INTS10: variants seen among roughly 807,000 people sequenced by gnomAD.
The protein encoded by INTS10 is integrator complex subunit 10, also known as chromosome 8 open reading frame 35.
A neutral mutation model predicts 94.4 loss-of-function variants in INTS10; 44 were observed. The observed-to-expected ratio is 0.47, with a 90% CI of 0.37 to 0.60. INTS10 has a LOEUF of 0.60. INTS10 is among the 20% of genes least tolerant of loss of function. The pLI is 0.00. For synonymous variants in INTS10, 341 were observed against 320.7 expected (o/e 1.06, Z -0.68); for missense variants, 797 against 868.7 (o/e 0.92, Z 1.04).
Position 19,823,289 on chromosome 8 carries a change from C to T in INTS10, c.524-12C>T. 1 of 1,595,608 alleles carries T rather than the reference C, an allele frequency of 6.3e-7. No individual in the cohort carries two copies. Among genetic ancestry groups the T allele is most frequent in the Non-Finnish European group, 8.6e-7 (1 of 1,167,260 alleles). On this transcript the variant is annotated splice_polypyrimidine_tract_variant and intron_variant, in intron 5 of 16. Coordinates refer to ENST00000397977, the MANE Select transcript of INTS10 (RefSeq NM_018142.4). Reference sequence around the variant, plus strand: ...CCTAATTAATTTATTTCTTCTTTTTCTCCTCCAACAGTTTGTGATGTCCTT... The same window carrying T: ...CCTAATTAATTTATTTCTTCTTTTTTTCCTCCAACAGTTTGTGATGTCCTT...
rs2069064399 is a variant in INTS10, at chr8:19,851,868, G to A, written c.*63G>A. 3 of 1,446,926 alleles carry A rather than the reference G, an allele frequency of 2.1e-6. No individual in the cohort carries two copies. The highest frequency in any genetic ancestry group is 2.9e-6 in the Non-Finnish European group (3 of 1,033,100). 89.6% of individuals were successfully genotyped at this position (1,446,926 alleles called of 1,614,324 possible). The stretch of plus-strand genomic sequence containing the variant: ...TAATTGTAGGAGAAGACACTCAGCA[G>A]TGATTGCCATGGCACAGAGCCGTGG... On this transcript the variant is annotated 3_prime_UTR_variant, in exon 17 of 17. Transcript: ENST00000397977. This position sits in a 1 kb window ranked among gnomAD's most constrained non-coding sequence, Gnocchi z 5.0.
rs748518574 is a variant in INTS10 at position 19,823,342 on chromosome 8, C to T, written c.565C>T (p.Arg189Ter). 4 of 1,605,016 alleles carry T rather than the reference C, an allele frequency of 2.5e-6. No individual in the cohort carries two copies. Among genetic ancestry groups the T allele is most frequent in the Non-Finnish European group, 3.4e-6 (4 of 1,171,860 alleles). Reference protein sequence around the residue: ...LPLIINNHDVRLPANLLYKYL... With the variant: ...LPLIINNHDV ...TCTAATAATTAACAACCATGATGTT[C>T]GATTACCTGCCAATTTATTGTATAA... Residue 189 changes from arginine (R) to a stop codon, truncating the protein, a stop_gained, in exon 6 of 17, where the codon CGA becomes TGA. Coordinates refer to ENST00000397977, the MANE Select transcript of INTS10 (RefSeq NM_018142.4). LOFTEE classifies it high-confidence loss of function.
intron 12 of INTS10, among the ~76,000 whole-genome samples, chr8:19,834,184 C>T (rs548133752): frequency 1.8e-4 from 27 of 152,102 alleles, no homozygotes; most frequent in African/African-American, 5.8e-4. Context: ...AAATGATAAC[C>T]GTGTTGTTGT....
At chr8:19,825,895 A>G (rs564133373) in intron 8 of INTS10, among the ~76,000 whole-genome samples, 1 of 152,186 alleles carries the variant, frequency 6.6e-6, no homozygotes, top group Non-Finnish European at 1.5e-5. Flanking sequence ...CTTGTATTCT[A>G]TTAGTGACAG....
In INTS10 at chr8:19,842,837, A is replaced by G; in HGVS notation, c.1640-11A>G. 2 of 1,590,116 alleles carry G rather than the reference A, an allele frequency of 1.3e-6. No individual in the cohort carries two copies. The highest frequency in any genetic ancestry group is 2.2e-5 in the South Asian group (2 of 90,276). On this transcript the variant is annotated splice_polypyrimidine_tract_variant and intron_variant, in intron 13 of 16. Coordinates refer to ENST00000397977, the MANE Select transcript of INTS10 (RefSeq NM_018142.4). Reference sequence around the variant, plus strand: ...AACATACATTAACCTAACATTGTGGACTTCTGTTAGGTTCGGATCTGAAGC... The same window carrying G: ...AACATACATTAACCTAACATTGTGGGCTTCTGTTAGGTTCGGATCTGAAGC...
intron 13 of INTS10, among the ~76,000 whole-genome samples, chr8:19,838,677 G>T (rs987812809): frequency 6.6e-6 from 1 of 152,136 alleles, no homozygotes; most frequent in Non-Finnish European, 1.5e-5. Context: ...ATTATAATAG[G>T]TGTCAAATCC....
chr8:19,833,114 A>G (rs1051939406), intron 11 of INTS10, 55 bp from the exon 12 acceptor site: 50 of 1,443,342 alleles, frequency 3.5e-5, no homozygotes, highest in Non-Finnish European at 4.4e-5. Flanking sequence ...TATTTTTTAA[A>G]TTTCTTTTTT....
intron 13 of INTS10, among the ~76,000 whole-genome samples, chr8:19,841,454 TC>T (rs1275054458): frequency 6.6e-6 from 1 of 152,106 alleles, no homozygotes; most frequent in Non-Finnish European, 1.5e-5. Context: ...AAGAGCTCCT[TC>T]AGACCAATAG....
chr8:19,847,945 C>T (rs1361758511), intron 16 of INTS10, among the ~76,000 whole-genome samples: 1 of 152,194 alleles, frequency 6.6e-6, no homozygotes, highest in Admixed American at 6.5e-5. Flanking sequence ...CTATAGAAGA[C>T]AAGCCTCTTA....
intron 12 of INTS10, 82 bp from the exon 13 acceptor site, chr8:19,836,970 A>G: frequency 1.2e-6 from 1 of 861,374 alleles, no homozygotes; most frequent in Non-Finnish European, 2.0e-6. Context: ...GCCTGATTGT[A>G]TGCTGCAAAT....
chr8:19,825,506 CAG>C (rs1291884779), intron 8 of INTS10, among the ~76,000 whole-genome samples: 3 of 137,138 alleles, frequency 2.2e-5, no homozygotes, highest in African/African-American at 5.5e-5. Flanking sequence ...GCCTGGGTGA[CAG>C]AGCAAGACTC....
At chr8:19,830,356 T>C in intron 9 of INTS10, 50 bp from the exon 10 acceptor site, 1 of 1,528,814 alleles carries the variant, frequency 6.5e-7, no homozygotes, top group Non-Finnish European at 8.9e-7. Context: ...TTTCCATATA[T>C]GACTATATTT....
chr8:19,825,098 T>G, intron 8 of INTS10, 126 bp downstream of exon 8: 2 of 753,192 alleles, frequency 2.7e-6, no homozygotes, highest in Non-Finnish European at 4.4e-6. Flanking sequence ...GTCCTTTTTA[T>G]AGTTGGCGAT....
chr8:19,817,571 C>T lies in INTS10; in HGVS notation c.34C>T (p.Gln12Ter). 1 of 1,608,828 alleles carries T rather than the reference C, an allele frequency of 6.2e-7. No homozygotes were observed. Among genetic ancestry groups the T allele is most frequent in the Non-Finnish European group, 8.5e-7 (1 of 1,178,338 alleles). The change falls in exon 1 of 17, where the codon CAG (glutamine) becomes TAG (stop). Residue 12 changes from glutamine (Q) to a stop codon, truncating the protein, a stop_gained. Coordinates refer to ENST00000397977, the MANE Select transcript of INTS10 (RefSeq NM_018142.4). LOFTEE classifies it high-confidence loss of function. ...CCAGGGGGACTGCGAGTTCCTGGTGCAGCGAGCCCGGGAGTTGGTGCCGCA... is the reference window on the plus strand; with the variant it reads ...CCAGGGGGACTGCGAGTTCCTGGTGTAGCGAGCCCGGGAGTTGGTGCCGCA... ...SAQGDCEFLVQRARELVPQDL... is the reference protein window; with the variant it reads ...SAQGDCEFLV
chr8:19,839,528 G>A (rs1486665129), intron 13 of INTS10, among the ~76,000 whole-genome samples: 8 of 151,990 alleles, frequency 5.3e-5, no homozygotes, highest in Non-Finnish European at 8.8e-5. Context: ...GTGAGATCCC[G>A]TCTCTACAAA....
chr8:19,848,703 C>T (rs1339633837), intron 16 of INTS10: 1 of 152,238 alleles, frequency 6.6e-6, no homozygotes, highest in Non-Finnish European at 1.5e-5. Flanking sequence ...CTTGGAAGGG[C>T]CTCTCCGGTG....
intron 6 of INTS10, 87 bp from the exon 7 acceptor site, chr8:19,823,786 C>A: frequency 1.7e-6 from 2 of 1,197,706 alleles, no homozygotes; most frequent in South Asian, 3.1e-5. Flanking sequence ...TGTGCATTTT[C>A]ATGGGGAGTC....
At position 19,846,207 on chromosome 8, in the gene INTS10, A is replaced by C. The variant is rs770846503; in HGVS notation, c.1976+410A>C. On this transcript the variant is annotated intron_variant, in intron 16 of 16. Coordinates refer to ENST00000397977, the MANE Select transcript of INTS10 (RefSeq NM_018142.4). This position sits in a 1 kb window ranked among gnomAD's most constrained non-coding sequence, Gnocchi z 4.2. ...GAGGCCAAGGAGGACAGATCACCTA[A>C]GGCCAGGAATTCAGGACCAGCCTGG... is the stretch of plus-strand genomic sequence containing the variant. 1.3e-5 allele frequency among the ~76,000 whole-genome samples: 2 copies of C among 151,868 alleles called. No individual in the cohort carries two copies. Among genetic ancestry groups the C allele is most frequent in the Non-Finnish European group, 2.9e-5 (2 of 67,990 alleles).
intron 7 of INTS10, 34 bp downstream of exon 7, chr8:19,824,078 G>C: frequency 1.3e-6 from 2 of 1,505,840 alleles, no homozygotes; most frequent in Non-Finnish European, 1.8e-6. Context: ...ATTGCCTATT[G>C]ATTCTTTTGG....
Sources: allele counts gnomAD v4.1 joint callset (sites outside exome capture counted in the v4.1 genomes callset), GRCh38; gene constraint gnomAD v4.1.1; non-coding constraint Gnocchi (gnomAD v3.1); transcripts MANE v1.5; gene names NCBI Gene and HGNC (gene_info 2026-07-23, HGNC 2026-07-21).